Variants in GRID2 observed in about 807,000 individuals in gnomAD.
GRID2 encodes glutamate receptor ionotropic, delta-2.
GRID2 carries 33 observed loss-of-function variants against 114.8 expected under a neutral mutation model. The ratio of observed to expected loss-of-function variants is 0.29; its 90% CI spans 0.22 to 0.38. GRID2 has a LOEUF of 0.38. Among genes scored for constraint, GRID2 ranks in the 10% least tolerant of loss-of-function variants. The probability of loss-of-function intolerance (pLI) is 1.00; values close to 1 mark genes in which losing one functional copy is unlikely to be tolerated. For synonymous variants in GRID2, 505 were observed against 449.9 expected (o/e 1.12, Z -1.55); for missense variants, 1,184 against 1,257.7 (o/e 0.94, Z 0.89).
intron 4 of GRID2, among the ~76,000 whole-genome samples, chr4:93,182,933 G>A (rs939507309): frequency 2.6e-5 from 4 of 152,236 alleles, no homozygotes; most frequent in African/African-American, 9.6e-5. Context: ...AGTTCTGGGA[G>A]TGGCGCCCTA....
intron 14 of GRID2, among the ~76,000 whole-genome samples, chr4:93,722,890 G>T (rs927348901): frequency 6.6e-6 from 1 of 152,068 alleles, no homozygotes; most frequent in East Asian, 1.9e-4. Flanking sequence ...TCTCTTCATT[G>T]CCTTCAGAGA....
chr4:93,598,126 T>C (rs1277391678), intron 13 of GRID2, among the ~76,000 whole-genome samples: 1 of 152,196 alleles, frequency 6.6e-6, no homozygotes, highest in African/African-American at 2.4e-5. Context: ...ATGTGGAAAC[T>C]TAAGCTCGTT....
chr4:92,714,953 A>G (rs532289256), intron 2 of GRID2, among the ~76,000 whole-genome samples: 1 of 152,282 alleles, frequency 6.6e-6, no homozygotes, highest in South Asian at 2.1e-4. Flanking sequence ...GCTCCTAGTT[A>G]CTTATGCACA....
At chr4:93,480,088 A>T (rs746592777) in intron 11 of GRID2, among the ~76,000 whole-genome samples, 1 of 152,122 alleles carries the variant, frequency 6.6e-6, no homozygotes, top group Non-Finnish European at 1.5e-5. Flanking sequence ...ATGTTTGAAG[A>T]TGTTTATAGC....
At chr4:92,950,976 C>T (rs992312562) in intron 2 of GRID2, among the ~76,000 whole-genome samples, 1 of 152,070 alleles carries the variant, frequency 6.6e-6, no homozygotes, top group Non-Finnish European at 1.5e-5. Context: ...TATTTACTTT[C>T]AGTAATTTCC....
At chr4:93,437,553 T>C (rs979622617) in intron 10 of GRID2, among the ~76,000 whole-genome samples, 7 of 152,130 alleles carry the variant, frequency 4.6e-5, no homozygotes, top group African/African-American at 1.7e-4. Flanking sequence ...TAAGATTACA[T>C]AGAGAAAGAT....
At chr4:93,713,338 TTTG>T (rs1031481322) in intron 14 of GRID2, among the ~76,000 whole-genome samples, 2 of 152,080 alleles carry the variant, frequency 1.3e-5, no homozygotes, top group East Asian at 3.8e-4. Context: ...TGACAGTTTG[TTTG>T]TTGTTGTTGT....
chr4:93,630,514 A>ATTTTAT (rs1743148295), intron 14 of GRID2, among the ~76,000 whole-genome samples: 1 of 152,182 alleles, frequency 6.6e-6, no homozygotes, highest in Non-Finnish European at 1.5e-5. Context: ...ATATTGGGAA[A>ATTTTAT]AATTCATTAG....
At chr4:92,611,763 G>A (rs77396260) in intron 2 of GRID2, among the ~76,000 whole-genome samples, 2,358 of 151,610 alleles carry the variant, frequency 0.016, 54 homozygotes, top group African/African-American at 0.054. Context: ...TAGTGACATT[G>A]AGTATCTTTT....
chr4:93,042,263 CTCTCTCTCTCTT>C lies in GRID2; in HGVS notation c.245-42720_245-42709del, dbSNP rs1348115366. ...ATATTTTAAATCTCTCTCTCTCTCT[CTCTCTCTCTCTT>C]TCTCTCTCTCTCTCTCTCTCTCTCT... On this transcript the variant is annotated intron_variant, in intron 2 of 15. Transcript: ENST00000282020. 2.5e-3 allele frequency among the ~76,000 whole-genome samples: 245 copies of C among 99,060 alleles called. 1 individual carries two copies. Among genetic ancestry groups the C allele is most frequent in the Middle Eastern group, 0.019 (3 of 156 alleles). The allele number at this position is 99,060 out of a possible 152,430, so 65.0% of individuals were successfully genotyped here.
At chr4:92,986,793 A>G (rs1754533893) in intron 2 of GRID2, among the ~76,000 whole-genome samples, 1 of 152,164 alleles carries the variant, frequency 6.6e-6, no homozygotes, top group Non-Finnish European at 1.5e-5. Context: ...TTATATTTTT[A>G]AGTTCTTATG....
chr4:92,978,767 C>T (rs574329486), intron 2 of GRID2, among the ~76,000 whole-genome samples: 5 of 152,218 alleles, frequency 3.3e-5, no homozygotes, highest in Admixed American at 6.5e-5. Flanking sequence ...TACAGTTGCT[C>T]ATGCCTGTAA....
intron 6 of GRID2, among the ~76,000 whole-genome samples, chr4:93,222,942 A>G (rs929659673): frequency 2.6e-5 from 4 of 152,178 alleles, no homozygotes; most frequent in East Asian, 3.8e-4. Context: ...TACCCCAACA[A>G]TCTTAAATAC....
At chr4:93,036,145 C>T (rs2149263034) in intron 2 of GRID2, among the ~76,000 whole-genome samples, 1 of 152,160 alleles carries the variant, frequency 6.6e-6, no homozygotes, top group Admixed American at 6.5e-5. Context: ...CTCCCTTAGC[C>T]TTTGGGCCAA....
At chr4:92,971,531 T>G (rs564665812) in intron 2 of GRID2, among the ~76,000 whole-genome samples, 1 of 152,218 alleles carries the variant, frequency 6.6e-6, no homozygotes, top group Non-Finnish European at 1.5e-5. Flanking sequence ...ATTTATCATT[T>G]CTCTGTGTGT....
chr4:93,355,396 A>G (rs1392409080), intron 8 of GRID2, among the ~76,000 whole-genome samples: 2 of 152,014 alleles, frequency 1.3e-5, no homozygotes, highest in Middle Eastern at 3.2e-3. Context: ...TGGGGGCTCC[A>G]GTGGGGCTGT....
chr4:92,550,880 A>T (rs1726551546), intron 1 of GRID2, among the ~76,000 whole-genome samples: 1 of 152,212 alleles, frequency 6.6e-6, no homozygotes, highest in African/African-American at 2.4e-5. Flanking sequence ...CTTGCAGTTT[A>T]ATGTTAAGCA....
At chr4:92,844,717 A>G (rs543717794) in intron 2 of GRID2, among the ~76,000 whole-genome samples, 12 of 151,774 alleles carry the variant, frequency 7.9e-5, no homozygotes, top group South Asian at 6.2e-4. Flanking sequence ...AAAAAAAAAA[A>G]AAAGAAAGAA....
intron 8 of GRID2, among the ~76,000 whole-genome samples, chr4:93,304,625 A>C (rs1755226927): frequency 6.6e-6 from 1 of 152,198 alleles, no homozygotes. Flanking sequence ...ACTACAAGGA[A>C]TGTAAAGAGG....
Sources: gnomAD v4.1 joint callset for allele counts (sites outside exome capture counted in the v4.1 genomes callset) on GRCh38, gnomAD v4.1.1 for gene constraint, MANE v1.5 for transcripts, NCBI Gene and HGNC (gene_info 2026-07-23, HGNC 2026-07-21) for gene names.